LRFN2: variants seen among roughly 807,000 people sequenced by gnomAD.
The protein encoded by LRFN2 is leucine rich repeat and fibronectin type III domain containing 2.
A neutral mutation model predicts 37.3 loss-of-function variants in LRFN2; 18 were observed. The observed-to-expected ratio is 0.48, with a 90% confidence interval of 0.33 to 0.72. LRFN2 has a LOEUF of 0.72. Ranked by LOEUF, LRFN2 falls within the 30% of genes least tolerant of loss-of-function variation. LRFN2 has a pLI of 0.02. For missense variants in LRFN2, 1,006 were observed against 1,060.7 expected, an observed-to-expected ratio of 0.95 and a Z score of 0.72; for synonymous variants, 556 against 466.6, an observed-to-expected ratio of 1.19 and a Z score of -2.47.
chr6:40,435,691 AC>A, intron 1 of LRFN2, among the ~76,000 whole-genome samples: 1 of 152,154 alleles, frequency 6.6e-6, no homozygotes, highest in East Asian at 1.9e-4. Flanking sequence ...GGTGCCCGCC[AC>A]CACACCCGGC....
intron 1 of LRFN2, among the ~76,000 whole-genome samples, chr6:40,482,102 C>A (rs903856796): frequency 2.6e-5 from 4 of 152,240 alleles, no homozygotes; most frequent in Middle Eastern, 3.4e-3. Context: ...GGGGCTGGCC[C>A]TTGTATCCCT....
chr6:40,578,468 T>G (rs1175512504), intron 1 of LRFN2, among the ~76,000 whole-genome samples: 1 of 152,198 alleles, frequency 6.6e-6, no homozygotes, highest in Non-Finnish European at 1.5e-5. Flanking sequence ...TTCCCCTTTA[T>G]GCAAAGTGGT....
chr6:40,441,168 G>A (rs1000166124), intron 1 of LRFN2, among the ~76,000 whole-genome samples: 9 of 152,196 alleles, frequency 5.9e-5, no homozygotes, highest in African/African-American at 1.7e-4. Context: ...CTTCTACCCA[G>A]GGTATTCACG....
intron 2 of LRFN2, among the ~76,000 whole-genome samples, chr6:40,396,762 G>T (rs1480120808): frequency 6.6e-6 from 1 of 151,824 alleles, no homozygotes; most frequent in African/African-American, 2.4e-5. Context: ...GTGTGTGTGT[G>T]TTGGCGGTAG....
At chr6:40,474,336 T>C (rs2113859258) in intron 1 of LRFN2, among the ~76,000 whole-genome samples, 1 of 152,318 alleles carries the variant, frequency 6.6e-6, no homozygotes, top group South Asian at 2.1e-4. Flanking sequence ...CTTTAAATCC[T>C]AGGTGCTCCT....
chr6:40,578,359 C>G (rs1767333562), intron 1 of LRFN2, among the ~76,000 whole-genome samples: 1 of 152,204 alleles, frequency 6.6e-6, no homozygotes, highest in Non-Finnish European at 1.5e-5. Context: ...ACCCTCTCCT[C>G]CAAGATTCTT....
intron 1 of LRFN2, among the ~76,000 whole-genome samples, chr6:40,579,797 G>T (rs1053377863): frequency 1.3e-5 from 2 of 152,202 alleles, no homozygotes; most frequent in African/African-American, 4.8e-5. Context: ...ACAGGGATTG[G>T]AGAGGTAATT....
chr6:40,486,525 G>A (rs766461220), intron 1 of LRFN2, among the ~76,000 whole-genome samples: 9 of 152,118 alleles, frequency 5.9e-5, no homozygotes, highest in East Asian at 1.9e-4. Context: ...GCATCTCAGC[G>A]GACCTGTGCC....
At chr6:40,434,168 G>C (rs939123656) in intron 1 of LRFN2, among the ~76,000 whole-genome samples, 5 of 152,176 alleles carry the variant, frequency 3.3e-5, no homozygotes, top group Non-Finnish European at 5.9e-5. Context: ...CAAGAAGAAG[G>C]GACCTCTTTT....
chr6:40,544,045 G>A (rs1038705137), intron 1 of LRFN2, among the ~76,000 whole-genome samples: 5 of 152,212 alleles, frequency 3.3e-5, no homozygotes, highest in Non-Finnish European at 7.3e-5. Context: ...TGAGATGCTG[G>A]GCTACCCAAG....
chr6:40,401,865 C>G (rs1194519285), intron 2 of LRFN2, among the ~76,000 whole-genome samples: 1 of 152,120 alleles, frequency 6.6e-6, no homozygotes, highest in African/African-American at 2.4e-5. Context: ...AGTGATGCAC[C>G]ATGGCTGCCT....
chr6:40,415,891 A>C (rs1763083193), intron 2 of LRFN2, among the ~76,000 whole-genome samples: 2 of 152,250 alleles, frequency 1.3e-5, no homozygotes, highest in Non-Finnish European at 2.9e-5. Flanking sequence ...ATTATGTTCA[A>C]AAATTAACTG....
intron 2 of LRFN2, among the ~76,000 whole-genome samples, chr6:40,420,440 G>T (rs1763198088): frequency 6.6e-6 from 1 of 152,216 alleles, no homozygotes; most frequent in African/African-American, 2.4e-5. Flanking sequence ...GATGAGAAAA[G>T]AACACTCACA....
intron 1 of LRFN2, among the ~76,000 whole-genome samples, chr6:40,529,183 C>A (rs928251356): frequency 4.6e-5 from 7 of 152,104 alleles, no homozygotes; most frequent in African/African-American, 1.7e-4. Context: ...GCAGAGAGAG[C>A]AGGGCAGCTC....
At chr6:40,441,927 C>T (rs1763846585) in intron 1 of LRFN2, among the ~76,000 whole-genome samples, 1 of 152,194 alleles carries the variant, frequency 6.6e-6, no homozygotes, top group African/African-American at 2.4e-5. Context: ...AACCTTCTCA[C>T]CCAGAGGGTG....
chr6:40,495,539 C>G (rs1765204847), intron 1 of LRFN2, among the ~76,000 whole-genome samples: 1 of 152,174 alleles, frequency 6.6e-6, no homozygotes, highest in Admixed American at 6.5e-5. Context: ...CTTCTCAAAG[C>G]CAAGTTTCAG....
chr6:40,531,738 C>G (rs1581781379), intron 1 of LRFN2, among the ~76,000 whole-genome samples: 2 of 152,154 alleles, frequency 1.3e-5, no homozygotes, highest in Admixed American at 6.5e-5. Flanking sequence ...CATAGCTTCT[C>G]CATCTCCACT....
intron 2 of LRFN2, 50 bp downstream of exon 2, chr6:40,431,664 C>G: frequency 1.4e-6 from 2 of 1,470,024 alleles, no homozygotes; most frequent in Non-Finnish European, 1.8e-6. Context: ...ATCCCCTCCT[C>G]CTTCCCCAGC....
rs756027621 is a variant in LRFN2, at chr6:40,392,360, G to A, written c.1953C>T (p.Pro651=). ...RIPPSAPRPK[P]SLDRLMGAFA... is the part of the protein sequence containing the mutation. Reference sequence around the variant, plus strand: ...AGGCCCCCATCAGGCGGTCAAGGCTGGGCTTGGGGCGCGGGGCGGAGGGTG... The same window carrying A: ...AGGCCCCCATCAGGCGGTCAAGGCTAGGCTTGGGGCGCGGGGCGGAGGGTG... The change falls in exon 3 of 3, where the codon CCC becomes CCT. Residue 651 remains proline (P), a synonymous_variant. Coordinates refer to ENST00000338305, the MANE Select transcript of LRFN2 (RefSeq NM_020737.3). The surrounding 1 kb of genome is among the most constrained non-coding windows in gnomAD (Gnocchi z 4.7). 1 of 1,605,798 alleles carries A rather than the reference G, an allele frequency of 6.2e-7. No homozygotes were observed. The highest frequency in any genetic ancestry group is 8.5e-7 in the Non-Finnish European group (1 of 1,176,730).
Sources: allele counts gnomAD v4.1 joint callset (sites outside exome capture counted in the v4.1 genomes callset), GRCh38; gene constraint gnomAD v4.1.1; non-coding constraint Gnocchi (gnomAD v3.1); transcripts MANE v1.5; gene names NCBI Gene and HGNC (gene_info 2026-07-23, HGNC 2026-07-21).